STAB2: variants seen among roughly 807,000 people sequenced by gnomAD.
STAB2 encodes the protein stabilin 2.
In STAB2, 288 loss-of-function variants were observed where a neutral mutation model predicts 338.1. The observed-to-expected ratio is 0.85, with a 90% CI of 0.77 to 0.94. STAB2 has a LOEUF of 0.94. Ranked by LOEUF, STAB2 falls within the 40% of genes least tolerant of loss-of-function variation. The pLI is 0.00. For missense variants in STAB2, 3,141 were observed against 3,210.1 expected (o/e 0.98, Z 0.52); for synonymous variants, 1,202 against 1,193.3 (o/e 1.01, Z -0.15).
intron 19 of STAB2, among the ~76,000 whole-genome samples, chr12:103,666,840 T>C (rs116123084): frequency 0.013 from 2,012 of 152,334 alleles, 40 homozygotes; most frequent in African/African-American, 0.046. Context: ...CCAAGTTTAA[T>C]TGAATTCTGT....
At chr12:103,700,726 C>T (rs796397695) in intron 34 of STAB2, among the ~76,000 whole-genome samples, 13 of 152,106 alleles carry the variant, frequency 8.5e-5, no homozygotes, top group Non-Finnish European at 1.3e-4. Flanking sequence ...AGAGCTGCAG[C>T]GTTCATTTTT....
Position 103,655,560 on chromosome 12 carries a change from C to T in STAB2, c.1713C>T (p.Leu571=), listed in dbSNP as rs559457405. The T allele has an allele frequency of 3.1e-6, 5 of 1,613,836 alleles. No homozygotes were observed. The highest frequency in any genetic ancestry group is 2.2e-5 in the East Asian group (1 of 44,834). ...EALNNMKDGT[L]DYLLSPEGSR... Reference sequence around the variant, plus strand: ...TGAATAACATGAAGGACGGCACTCTCGATTACCTCCTTTCTCCAGAGGTAC... The same window carrying T: ...TGAATAACATGAAGGACGGCACTCTTGATTACCTCCTTTCTCCAGAGGTAC... Residue 571 remains leucine, a synonymous_variant, in exon 15 of 69, where the codon CTC becomes CTT. Coordinates refer to ENST00000388887, the MANE Select transcript of STAB2 (RefSeq NM_017564.10).
At chr12:103,668,399 G>C (rs765986443) in intron 19 of STAB2, among the ~76,000 whole-genome samples, 1 of 152,162 alleles carries the variant, frequency 6.6e-6, no homozygotes, top group Non-Finnish European at 1.5e-5. Flanking sequence ...ATGGAAGAGG[G>C]AATAAAGATC....
intron 31 of STAB2, among the ~76,000 whole-genome samples, chr12:103,693,803 G>A (rs910150779): frequency 1.3e-5 from 2 of 152,078 alleles, no homozygotes; most frequent in Non-Finnish European, 2.9e-5. Context: ...GGGTACATTG[G>A]GAACTTTTGT....
At chr12:103,637,688 G>C (rs1957570816) in intron 7 of STAB2, among the ~76,000 whole-genome samples, 1 of 152,160 alleles carries the variant, frequency 6.6e-6, no homozygotes, top group African/African-American at 2.4e-5. Flanking sequence ...AGGGATTATT[G>C]TAAAGATTAA....
chr12:103,607,226 AT>A lies in STAB2; in HGVS notation c.331+12725del, dbSNP rs983269501. Reference sequence around the variant, plus strand: ...CATCAAATTTGGAAATTTTGGCCACATTTTTTTTTCAAATACATTTTCTCCC... The same window carrying A: ...CATCAAATTTGGAAATTTTGGCCACATTTTTTTTCAAATACATTTTCTCCC... On this transcript the variant is annotated intron_variant, in intron 3 of 68. Transcript: ENST00000388887. 1.4e-4 allele frequency among the ~76,000 whole-genome samples: 21 copies of A among 146,476 alleles called. No homozygotes were observed. In the East Asian group the frequency reaches 1.6e-3, roughly 11 times the overall value.
chr12:103,654,266 C>T (rs1376261777), intron 12 of STAB2, among the ~76,000 whole-genome samples: 1 of 152,190 alleles, frequency 6.6e-6, no homozygotes, highest in Non-Finnish European at 1.5e-5. Context: ...ATAGTTTTGT[C>T]CTTATGAAGC....
At chr12:103,726,259 C>T (rs1383568830) in intron 46 of STAB2, 96 bp downstream of exon 46, 14 of 1,316,836 alleles carry the variant, frequency 1.1e-5, no homozygotes, top group South Asian at 8.7e-5. Context: ...GAGGCCAAGG[C>T]GGGCAGATTG....
intron 3 of STAB2, among the ~76,000 whole-genome samples, chr12:103,600,517 C>T (rs1270848080): frequency 6.6e-6 from 1 of 152,184 alleles, no homozygotes; most frequent in Non-Finnish European, 1.5e-5. Flanking sequence ...GAGACTCCAC[C>T]CTGATGGTTT....
chr12:103,690,130 T>A (rs2138904875), intron 29 of STAB2, 148 bp downstream of exon 29: 1 of 1,204,000 alleles, frequency 8.3e-7, no homozygotes, highest in South Asian at 1.6e-5. Flanking sequence ...CACCCCAGGA[T>A]AGTAATAGTC....
chr12:103,644,019 G>A (rs868802807), intron 9 of STAB2, among the ~76,000 whole-genome samples: 21 of 98,482 alleles, frequency 2.1e-4, no homozygotes, highest in Admixed American at 1.5e-3. Flanking sequence ...CCACCACCCC[G>A]TCTGGGAGGT....
intron 19 of STAB2, among the ~76,000 whole-genome samples, chr12:103,666,588 G>A (rs1875127969): frequency 6.6e-6 from 1 of 152,192 alleles, no homozygotes; most frequent in Admixed American, 6.5e-5. Context: ...TTCTTCATCT[G>A]TAAATGATAA....
chr12:103,760,740 T>C (rs578219716), intron 65 of STAB2, among the ~76,000 whole-genome samples: 36 of 152,290 alleles, frequency 2.4e-4, no homozygotes, highest in African/African-American at 7.9e-4. Flanking sequence ...TTAATAAATA[T>C]TGGTTTTAAA....
intron 18 of STAB2, among the ~76,000 whole-genome samples, chr12:103,665,792 C>T (rs927217626): frequency 4.6e-5 from 7 of 152,186 alleles, no homozygotes; most frequent in Non-Finnish European, 8.8e-5. Flanking sequence ...TGGAGGCACA[C>T]TCCCAATTCC....
At chr12:103,678,949 C>T (rs184572332) in intron 25 of STAB2, among the ~76,000 whole-genome samples, 9 of 152,280 alleles carry the variant, frequency 5.9e-5, no homozygotes, top group South Asian at 2.1e-4. Context: ...ATCGGTCCTG[C>T]GGGCCAGTGC....
chr12:103,646,550 A>G (rs1017031426), intron 9 of STAB2, among the ~76,000 whole-genome samples: 9 of 152,224 alleles, frequency 5.9e-5, no homozygotes, highest in African/African-American at 2.2e-4. Flanking sequence ...ATTTTATAGA[A>G]GAGGAAACTG....
intron 25 of STAB2, among the ~76,000 whole-genome samples, chr12:103,679,962 G>T (rs1435560380): frequency 6.6e-6 from 1 of 152,214 alleles, no homozygotes; most frequent in Non-Finnish European, 1.5e-5. Context: ...GGAAGAAAAT[G>T]CTGACACATG....
Position 103,759,147 on chromosome 12 carries a change from G to A in STAB2, c.7122G>A (p.Arg2374=). Residue 2374 remains arginine (R), a synonymous_variant, in exon 65 of 69, where the codon CGG becomes CGA. Coordinates refer to ENST00000388887, the MANE Select transcript of STAB2 (RefSeq NM_017564.10). ...GLGENETLSG[R]DIEHHLANVS... is the part of the protein sequence containing the mutation. ...TTTTTTCTCAGACCTTGTCTGGGCG[G>A]GACATCGAGCACCACCTCGCCAATG... 2 of 1,614,124 alleles carry A rather than the reference G, an allele frequency of 1.2e-6. No homozygotes were observed. Among genetic ancestry groups the A allele is most frequent in the Non-Finnish European group, 8.5e-7 (1 of 1,180,016 alleles).
chr12:103,743,588 G>A (rs1176874590), intron 56 of STAB2, among the ~76,000 whole-genome samples: 4 of 152,130 alleles, frequency 2.6e-5, no homozygotes, highest in Admixed American at 6.6e-5. Context: ...TCGGCAGTGC[G>A]GGAAAGACTC....
Sources: allele counts gnomAD v4.1 joint callset (sites outside exome capture counted in the v4.1 genomes callset), GRCh38; gene constraint gnomAD v4.1.1; transcripts MANE v1.5; gene names NCBI Gene and HGNC (gene_info 2026-07-23, HGNC 2026-07-21).